The following CPS1 variants were observed in gnomAD, a reference collection of about 807,000 sequenced individuals.
CPS1 encodes the protein carbamoyl-phosphate synthase 1.
Under a neutral mutation model 174.6 loss-of-function variants are expected in CPS1, and 109 were observed. That is an observed-to-expected ratio of 0.62 (90% CI 0.53 to 0.73). The LOEUF (loss-of-function observed/expected upper bound fraction) is 0.73. CPS1 is among the 30% of genes least tolerant of loss of function. CPS1 has a pLI of 0.00. For missense variants in CPS1, 1,689 were observed against 1,821.9 expected (o/e 0.93, Z 1.33); for synonymous variants, 637 against 632.0 (o/e 1.01, Z -0.12).
intron 1 of CPS1, among the ~76,000 whole-genome samples, chr2:210,503,991 C>T (rs762889794): frequency 1.3e-5 from 2 of 152,156 alleles, no homozygotes; most frequent in Admixed American, 6.6e-5. Context: ...GCCTCTTTCC[C>T]CTGGGCTGTC....
intron 6 of CPS1, among the ~76,000 whole-genome samples, chr2:210,587,811 T>C (rs1698157748): frequency 6.6e-6 from 1 of 152,114 alleles, no homozygotes. Context: ...TTAGAGATCA[T>C]TGTTATTACT....
chr2:210,599,470 C>A lies in CPS1; in HGVS notation c.1458C>A (p.Pro486=), dbSNP rs758089312. The A allele has an allele frequency of 1.2e-6, 2 of 1,612,596 alleles. No homozygotes were observed. Among genetic ancestry groups the A allele is most frequent in the Admixed American group, 3.3e-5 (2 of 59,826 alleles). The change falls in exon 14 of 38, where the codon CCC becomes CCA. Residue 486 remains proline, a synonymous_variant. Coordinates refer to ENST00000233072, the MANE Select transcript of CPS1 (RefSeq NM_001875.5). ...AAGCGGATACTGTCTACTTTCTTCC[C>A]ATCACCCCTCAGTTTGTCACAGAGG... ...LKQADTVYFL[P]ITPQFVTEVI... is the part of the protein sequence containing the mutation.
intron 1 of CPS1, among the ~76,000 whole-genome samples, chr2:210,520,301 C>A (rs748579223): frequency 1.3e-4 from 20 of 151,930 alleles, no homozygotes; most frequent in Admixed American, 1.1e-3. Context: ...CCCAATGTTT[C>A]TTTATTTTAT....
chr2:210,494,057 G>T (rs1470809528), intron 1 of CPS1, among the ~76,000 whole-genome samples: 1 of 152,156 alleles, frequency 6.6e-6, no homozygotes, highest in Non-Finnish European at 1.5e-5. Flanking sequence ...CCAAGCCATA[G>T]CAACAGAGTA....
chr2:210,499,510 C>T (rs996780727), intron 1 of CPS1, among the ~76,000 whole-genome samples: 1 of 152,206 alleles, frequency 6.6e-6, no homozygotes, highest in Non-Finnish European at 1.5e-5. Context: ...GCTCCAATCT[C>T]TGGCCCAAGA....
intron 1 of CPS1, among the ~76,000 whole-genome samples, chr2:210,550,816 AATT>A (rs1424188428): frequency 2.0e-5 from 3 of 151,770 alleles, no homozygotes; most frequent in South Asian, 2.1e-4. Context: ...CAAGAATAAT[AATT>A]ATTATTTTTT....
intron 1 of CPS1, among the ~76,000 whole-genome samples, chr2:210,506,752 C>T (rs550508465): frequency 2.6e-5 from 4 of 152,168 alleles, no homozygotes; most frequent in South Asian, 2.1e-4. Context: ...GTAGCCAATT[C>T]GATCAACTGG....
intron 1 of CPS1, among the ~76,000 whole-genome samples, chr2:210,568,678 A>G (rs1697377963): frequency 6.6e-6 from 1 of 152,096 alleles, no homozygotes. Flanking sequence ...TCCAAGATAC[A>G]CTAGGAAAAT....
chr2:210,518,476 G>C (rs1695737799), intron 1 of CPS1, among the ~76,000 whole-genome samples: 1 of 152,034 alleles, frequency 6.6e-6, no homozygotes, highest in Admixed American at 6.6e-5. Context: ...TGGAAGTAAT[G>C]TCCAGCTTAC....
chr2:210,610,352 G>A (rs1204832340), intron 19 of CPS1, among the ~76,000 whole-genome samples: 1 of 151,878 alleles, frequency 6.6e-6, no homozygotes, highest in African/African-American at 2.4e-5. Flanking sequence ...CTTACATTTA[G>A]TTCAAAAAGT....
chr2:210,588,242 T>G, intron 7 of CPS1, 95 bp downstream of exon 7: 1 of 1,052,814 alleles, frequency 9.5e-7, no homozygotes, highest in Non-Finnish European at 1.5e-6. Flanking sequence ...TATGCATTCT[T>G]TCAGAATGTC....
At chr2:210,597,945 C>T (rs950286001) in intron 13 of CPS1, among the ~76,000 whole-genome samples, 2 of 151,754 alleles carry the variant, frequency 1.3e-5, no homozygotes, top group African/African-American at 4.8e-5. Context: ...TTTGTTAAAG[C>T]ACTATAGCAA....
intron 25 of CPS1, 127 bp downstream of exon 25, chr2:210,642,792 G>C: frequency 2.3e-6 from 2 of 857,870 alleles, no homozygotes; most frequent in Non-Finnish European, 3.6e-6. Flanking sequence ...GCTGCCAGTG[G>C]CATCCATTGT....
At chr2:210,554,111 A>G (rs1322230339), upstream of CPS1, among the ~76,000 whole-genome samples, 2 of 146,314 alleles carry the variant, frequency 1.4e-5, no homozygotes, top group Non-Finnish European at 3.0e-5. Flanking sequence ...ATACACATAT[A>G]TATATGTATG....
intron 20 of CPS1, among the ~76,000 whole-genome samples, chr2:210,614,494 G>A (rs916445218): frequency 6.6e-5 from 10 of 151,912 alleles, no homozygotes; most frequent in African/African-American, 2.4e-4. Context: ...CACAGTGGTT[G>A]AACTAATTTA....
At chr2:210,571,547 T>C (rs1446567997) in intron 1 of CPS1, among the ~76,000 whole-genome samples, 1 of 151,936 alleles carries the variant, frequency 6.6e-6, no homozygotes, top group Non-Finnish European at 1.5e-5. Flanking sequence ...AACATAGTTT[T>C]GTGTGTAAAT....
At chr2:210,673,548 G>A (rs189523908) in intron 34 of CPS1, 1 of 152,282 alleles carries the variant, frequency 6.6e-6, no homozygotes, top group Non-Finnish European at 1.5e-5. Flanking sequence ...GAAATGAAAT[G>A]CGTATAAATG....
rs769284353 is a variant in CPS1 at position 210,594,575 on chromosome 2, C to T, written c.1232C>T (p.Pro411Leu). The T allele has an allele frequency of 9.9e-6, 16 of 1,610,966 alleles. No individual in the cohort carries two copies. Among genetic ancestry groups the T allele is most frequent in the South Asian group, 7.7e-5 (7 of 91,016 alleles). Reference protein sequence around the residue: ...GKATTITSVLPKPALVASRVE... With the variant: ...GKATTITSVLLKPALVASRVE... The stretch of plus-strand genomic sequence containing the variant: ...GCTACCACCATTACATCAGTCTTAC[C>T]GAAGCCAGCACTAGTTGCATCTCGG... The change falls in exon 12 of 38, where the codon CCG becomes CTG. Residue 411 changes from proline to leucine, a missense_variant. Transcript: ENST00000233072.
upstream of CPS1, among the ~76,000 whole-genome samples, chr2:210,551,690 TTA>T: frequency 6.6e-6 from 1 of 152,108 alleles, no homozygotes; most frequent in East Asian, 1.9e-4. Context: ...ACTCCAAACT[TTA>T]TGTTATCAAA....
Sources: gnomAD v4.1 joint callset for allele counts (sites outside exome capture counted in the v4.1 genomes callset) on GRCh38, gnomAD v4.1.1 for gene constraint, MANE v1.5 for transcripts, NCBI Gene and HGNC (gene_info 2026-07-23, HGNC 2026-07-21) for gene names.